The following RAB7B variants were observed in gnomAD, a reference collection of about 807,000 sequenced individuals.
The protein encoded by RAB7B is RAB7B, member RAS oncogene family, also known as ras-related protein Rab-7b.
chr1:205,986,960 T>G (rs1660619120), intron 4 of RAB7B, among the ~76,000 whole-genome samples: 1 of 152,142 alleles, frequency 6.6e-6, no homozygotes, highest in Non-Finnish European at 1.5e-5. Context: ...CCAGCTGATC[T>G]CAGCAGACCC....
intron 4 of RAB7B, among the ~76,000 whole-genome samples, chr1:205,986,435 C>A (rs1660609659): frequency 6.6e-6 from 1 of 152,220 alleles, no homozygotes. Context: ...GAAGGCAGAG[C>A]TTGGATGTAG....
At chr1:206,001,495 G>A (rs1416726494) in intron 1 of RAB7B, among the ~76,000 whole-genome samples, 5 of 152,132 alleles carry the variant, frequency 3.3e-5, no homozygotes, top group African/African-American at 1.2e-4. Flanking sequence ...TGTAAAAAGT[G>A]TAGTGTTGTC....
At chr1:205,979,412 T>G (rs1348822260) in intron 5 of RAB7B, among the ~76,000 whole-genome samples, 2 of 152,086 alleles carry the variant, frequency 1.3e-5, no homozygotes, top group Non-Finnish European at 2.9e-5. Context: ...CTCCCTAAAA[T>G]GGACTCAATG....
intron 1 of RAB7B, among the ~76,000 whole-genome samples, chr1:206,000,048 A>T (rs1480148208): frequency 6.6e-6 from 1 of 152,248 alleles, no homozygotes; most frequent in African/African-American, 2.4e-5. Context: ...TGTTGGCATT[A>T]CAGGTGTGAG....
At chr1:206,002,757 G>A (rs985324550) in intron 1 of RAB7B, among the ~76,000 whole-genome samples, 4 of 152,222 alleles carry the variant, frequency 2.6e-5, no homozygotes, top group Non-Finnish European at 5.9e-5. Context: ...GCAGCACTGG[G>A]CAAGGAGAAA....
intron 4 of RAB7B, among the ~76,000 whole-genome samples, chr1:205,989,953 C>T (rs1003598800): frequency 6.6e-6 from 1 of 152,156 alleles, no homozygotes; most frequent in Admixed American, 6.6e-5. Flanking sequence ...TCTTAAGCCT[C>T]GTATTGGTTT....
At chr1:205,986,934 A>G (rs1660618682) in intron 4 of RAB7B, among the ~76,000 whole-genome samples, 1 of 152,062 alleles carries the variant, frequency 6.6e-6, no homozygotes, top group African/African-American at 2.4e-5. Flanking sequence ...TGTCTGTCTT[A>G]CTGGGATAAA....
At chr1:205,996,556 A>G (rs1660815919) in intron 1 of RAB7B, among the ~76,000 whole-genome samples, 1 of 152,142 alleles carries the variant, frequency 6.6e-6, no homozygotes, top group South Asian at 2.1e-4. Context: ...TATCTGCTGG[A>G]GCTGGACCTC....
intron 1 of RAB7B, among the ~76,000 whole-genome samples, chr1:205,995,068 T>A (rs932123606): frequency 2.0e-5 from 3 of 151,936 alleles, no homozygotes; most frequent in African/African-American, 7.3e-5. Context: ...GTGAGAACAC[T>A]TGGACACAGG....
Position 205,978,178 on chromosome 1 carries a change from C to T in RAB7B, c.*673G>A, listed in dbSNP as rs1252250250. 1 of 152,212 alleles carries T rather than the reference C, an allele frequency of 6.6e-6. No homozygotes were observed. The highest frequency in any genetic ancestry group is 1.5e-5 in the Non-Finnish European group (1 of 68,050). The allele number at this position is 152,212 out of a possible 1,614,324, so 9.4% of individuals were successfully genotyped here. On this transcript the variant is annotated 3_prime_UTR_variant, in exon 6 of 6. Transcript: ENST00000617070. ...CAAGGCACATCTCACCCCCACAGGA[C>T]AGATAAACAAATTGAGACTCAGAGA... is the stretch of plus-strand genomic sequence containing the variant.
Position 205,992,922 on chromosome 1 carries a change from C to A in RAB7B, c.181-227G>T, listed in dbSNP as rs1269383479. Among the ~76,000 whole-genome samples the A allele has an allele frequency of 2.6e-5, 4 of 152,188 alleles. No individual in the cohort carries two copies. The East Asian group carries it at 7.7e-4, about 29-fold the overall frequency. ...CTGAGAGTAATTTCACATCTGAGCT[C>A]TCATTTTTCCTCTGGGTCATCAAGG... On this transcript the variant is annotated intron_variant, in intron 3 of 5. Transcript: ENST00000617070.
intron 1 of RAB7B, among the ~76,000 whole-genome samples, chr1:206,002,042 C>T (rs1660901392): frequency 6.6e-6 from 1 of 152,140 alleles, no homozygotes; most frequent in Non-Finnish European, 1.5e-5. Context: ...ATCATACTAT[C>T]TTTCCAGGCT....
rs981640178 is a variant in RAB7B, at chr1:205,977,925, A to G, written c.*926T>C. 4.6e-5 allele frequency: 7 copies of G among 152,132 alleles called. No homozygotes were observed. Among genetic ancestry groups the G allele is most frequent in the African/African-American group, 1.4e-4 (6 of 41,492 alleles). The allele number at this position is 152,132 out of a possible 1,614,324, so 9.4% of individuals were successfully genotyped here. On this transcript the variant is annotated 3_prime_UTR_variant, in exon 6 of 6. Coordinates refer to ENST00000617070, the MANE Select transcript of RAB7B (RefSeq NM_001164522.3). ...CTGTTTCCCTTTGTTTATAGCACTT[A>G]CCTGCTATTTGGAAATATCTGTCTA... is the stretch of plus-strand genomic sequence containing the variant.
At chr1:205,981,136 C>T (rs1196674000) in intron 5 of RAB7B, among the ~76,000 whole-genome samples, 2 of 151,974 alleles carry the variant, frequency 1.3e-5, no homozygotes, top group South Asian at 2.1e-4. Context: ...TCAAACAATC[C>T]ATCTGCCTTG....
At chr1:205,991,313 A>C (rs1660719131) in intron 4 of RAB7B, among the ~76,000 whole-genome samples, 2 of 152,182 alleles carry the variant, frequency 1.3e-5, no homozygotes, top group African/African-American at 4.8e-5. Flanking sequence ...CTTGCCTTTG[A>C]ATGAACTTAG....
intron 4 of RAB7B, among the ~76,000 whole-genome samples, chr1:205,988,166 T>C (rs1415595089): frequency 2.0e-5 from 3 of 151,938 alleles, no homozygotes; most frequent in African/African-American, 2.4e-5. Flanking sequence ...ATATATATTA[T>C]AAATATGTGT....
intron 5 of RAB7B, among the ~76,000 whole-genome samples, chr1:205,981,042 A>G (rs984776231): frequency 2.0e-5 from 3 of 152,038 alleles, no homozygotes; most frequent in African/African-American, 4.8e-5. Context: ...CTGGGACTAC[A>G]GGCATGTGCC....
chr1:206,003,080 C>T (rs1022132858), intron 1 of RAB7B, among the ~76,000 whole-genome samples, 173 bp downstream of exon 1: 1 of 152,204 alleles, frequency 6.6e-6, no homozygotes, highest in Admixed American at 6.5e-5. Flanking sequence ...GCTGCCACAC[C>T]CTGGGAGCTT....
intron 4 of RAB7B, among the ~76,000 whole-genome samples, chr1:205,990,671 G>A (rs1048814010): frequency 2.6e-5 from 4 of 152,176 alleles, no homozygotes; most frequent in African/African-American, 9.7e-5. Flanking sequence ...CTTGTCATGG[G>A]AGGTACAGCG....
Sources: gnomAD v4.1 joint callset for allele counts (sites outside exome capture counted in the v4.1 genomes callset) on GRCh38, gnomAD v4.1.1 for gene constraint, MANE v1.5 for transcripts, NCBI Gene and HGNC (gene_info 2026-07-23, HGNC 2026-07-21) for gene names.